The following TTLL11 variants were observed in gnomAD, a reference collection of about 807,000 sequenced individuals.
The protein encoded by TTLL11 is tubulin tyrosine ligase like 11.
TTLL11 carries 42 observed loss-of-function variants against 51.7 expected under a neutral mutation model. The ratio of observed to expected loss-of-function variants is 0.81; its 90% CI spans 0.64 to 1.05. The LOEUF is 1.05. Among genes scored for constraint, TTLL11 ranks in the 50% least tolerant of loss-of-function variants. The pLI is 0.00. For synonymous variants in TTLL11, 381 were observed against 383.5 expected, an observed-to-expected ratio of 0.99 and a Z score of 0.08; for missense variants, 799 against 940.4, an observed-to-expected ratio of 0.85 and a Z score of 1.97.
intron 1 of TTLL11, among the ~76,000 whole-genome samples, chr9:122,083,540 G>A (rs573622522): frequency 2.7e-4 from 41 of 152,184 alleles, no homozygotes; most frequent in African/African-American, 7.2e-4. Context: ...GGCCAGGCAC[G>A]GTGGCTCACA....
At chr9:122,062,068 CA>C in intron 1 of TTLL11, among the ~76,000 whole-genome samples, 1 of 152,294 alleles carries the variant, frequency 6.6e-6, no homozygotes, top group Admixed American at 6.5e-5. Context: ...AAATACTCAC[CA>C]GGGGAGCCTG....
chr9:122,002,100 A>G (rs1186545448), intron 3 of TTLL11, among the ~76,000 whole-genome samples: 1 of 152,230 alleles, frequency 6.6e-6, no homozygotes, highest in African/African-American at 2.4e-5. Context: ...TTTCAATGGC[A>G]TCAGGTGGCC....
intron 8 of TTLL11, among the ~76,000 whole-genome samples, chr9:121,828,936 G>A (rs901034780): frequency 1.3e-5 from 2 of 151,888 alleles, no homozygotes; most frequent in Admixed American, 6.6e-5. Context: ...CAGCACTCCC[G>A]CCTGGGCAAC....
At chr9:122,047,200 T>C (rs1311927274) in intron 1 of TTLL11, among the ~76,000 whole-genome samples, 1 of 152,174 alleles carries the variant, frequency 6.6e-6, no homozygotes, top group African/African-American at 2.4e-5. Flanking sequence ...GGTGTCATTG[T>C]TCATAACACC....
intron 6 of TTLL11, among the ~76,000 whole-genome samples, chr9:121,961,344 A>G (rs764108960): frequency 6.6e-6 from 1 of 152,162 alleles, no homozygotes; most frequent in Non-Finnish European, 1.5e-5. Context: ...TAAGCAACAT[A>G]TTCCTTCTCT....
intron 8 of TTLL11, among the ~76,000 whole-genome samples, chr9:121,834,233 C>T (rs568131674): frequency 2.6e-5 from 4 of 152,278 alleles, no homozygotes; most frequent in African/African-American, 7.2e-5. Context: ...TGCTGCTGCA[C>T]GGTTCCCCTA....
intron 6 of TTLL11, among the ~76,000 whole-genome samples, chr9:121,947,878 G>T (rs1374960034): frequency 2.6e-5 from 4 of 152,212 alleles, no homozygotes; most frequent in African/African-American, 9.6e-5. Context: ...TCCCCAGCAT[G>T]GTTCCTCTAA....
intron 6 of TTLL11, among the ~76,000 whole-genome samples, chr9:121,940,062 C>G (rs1841388469): frequency 6.6e-6 from 1 of 152,160 alleles, no homozygotes; most frequent in Non-Finnish European, 1.5e-5. Context: ...CCTTGCCTTC[C>G]TTCGTTACTG....
At chr9:121,851,745 A>G (rs1229929297) in intron 8 of TTLL11, among the ~76,000 whole-genome samples, 2 of 152,228 alleles carry the variant, frequency 1.3e-5, no homozygotes, top group Non-Finnish European at 2.9e-5. Context: ...AGTTGGGAGC[A>G]CTGAGTGCTG....
chr9:122,046,228 C>T (rs1348450461), intron 1 of TTLL11, among the ~76,000 whole-genome samples: 1 of 152,068 alleles, frequency 6.6e-6, no homozygotes, highest in Admixed American at 6.5e-5. Context: ...TTGCTGCTCT[C>T]GTGACAGTGA....
At chr9:121,827,968 C>G (rs1162519349) in intron 8 of TTLL11, among the ~76,000 whole-genome samples, 1 of 152,158 alleles carries the variant, frequency 6.6e-6, no homozygotes, top group South Asian at 2.1e-4. Context: ...CAATGGTTGA[C>G]GTTCTGCCAG....
intron 1 of TTLL11, among the ~76,000 whole-genome samples, chr9:122,060,856 C>A (rs183636556): frequency 1.1e-4 from 17 of 152,284 alleles, no homozygotes; most frequent in Admixed American, 9.8e-4. Flanking sequence ...ATAACTATGC[C>A]CTCTTCCAGG....
At chr9:122,048,811 G>A (rs1410895652) in intron 1 of TTLL11, among the ~76,000 whole-genome samples, 1 of 151,932 alleles carries the variant, frequency 6.6e-6, no homozygotes, top group Non-Finnish European at 1.5e-5. Context: ...CTTTGTCTGT[G>A]GCCTCTGTCG....
At chr9:122,078,117 T>C (rs572447118) in intron 1 of TTLL11, among the ~76,000 whole-genome samples, 255 of 151,294 alleles carry the variant, frequency 1.7e-3, no homozygotes, top group African/African-American at 6.1e-3. Flanking sequence ...TAGTCTTGAG[T>C]GCTTTTATTA....
chr9:122,065,199 C>T (rs945025313), intron 1 of TTLL11, among the ~76,000 whole-genome samples: 16 of 152,142 alleles, frequency 1.1e-4, no homozygotes, highest in African/African-American at 2.4e-4. Context: ...AGTTATGGCT[C>T]CAGGAAACCT....
At chr9:121,864,154 A>T (rs1324663587) in intron 7 of TTLL11, among the ~76,000 whole-genome samples, 3 of 152,224 alleles carry the variant, frequency 2.0e-5, no homozygotes, top group Non-Finnish European at 4.4e-5. Context: ...TTTTTCATCC[A>T]TCTATCCACT....
chr9:122,061,896 A>C (rs1845444098), intron 1 of TTLL11, among the ~76,000 whole-genome samples: 2 of 152,178 alleles, frequency 1.3e-5, no homozygotes, highest in Non-Finnish European at 2.9e-5. Context: ...TCGGCCTCCC[A>C]AAGTGCTGGG....
chr9:121,826,847 A>C (rs4837897), intron 8 of TTLL11, among the ~76,000 whole-genome samples: 53,206 of 151,524 alleles, frequency 0.35, 9,466 homozygotes, highest in East Asian at 0.48. Flanking sequence ...GGATGGGCAG[A>C]GATGTGCTGG....
At chr9:122,061,971 G>T (rs1845446673) in intron 1 of TTLL11, among the ~76,000 whole-genome samples, 2 of 152,112 alleles carry the variant, frequency 1.3e-5, no homozygotes, top group South Asian at 4.1e-4. Context: ...AGACATTTGG[G>T]TTTCCTCTTT....
Sources: allele counts gnomAD v4.1 joint callset (sites outside exome capture counted in the v4.1 genomes callset), GRCh38; gene constraint gnomAD v4.1.1; transcripts MANE v1.5; gene names NCBI Gene and HGNC (gene_info 2026-07-23, HGNC 2026-07-21).